BRD10: variants seen among roughly 807,000 people sequenced by gnomAD.
The protein encoded by BRD10 is bromodomain containing 10, also known as uncharacterized bromodomain-containing protein 10.
chr9:5,982,465 G>T, the BRD10 span, among the ~76,000 whole-genome samples: 9 of 152,132 alleles, frequency 5.9e-5, no homozygotes, highest in African/African-American at 2.2e-4. Context: ...GGTCATGAGG[G>T]TTCTGCCCAA....
the BRD10 span, among the ~76,000 whole-genome samples, chr9:6,002,838 G>A: frequency 2.0e-5 from 3 of 151,816 alleles, no homozygotes; most frequent in African/African-American, 7.3e-5. Context: ...CACTACACCT[G>A]GCTAATTTTT....
chr9:5,945,363 T>C, the BRD10 span, among the ~76,000 whole-genome samples: 4 of 152,110 alleles, frequency 2.6e-5, no homozygotes, highest in Non-Finnish European at 5.9e-5. Context: ...AAACACACTC[T>C]TGGAGAACTG....
the BRD10 span, among the ~76,000 whole-genome samples, chr9:5,914,460 G>A: frequency 9.4e-6 from 1 of 105,964 alleles, no homozygotes; most frequent in Admixed American, 1.6e-4. Flanking sequence ...GTCTCACTCT[G>A]TCACCCAGGC....
the BRD10 span, among the ~76,000 whole-genome samples, chr9:5,990,076 G>A: frequency 2.6e-5 from 4 of 152,062 alleles, no homozygotes; most frequent in Non-Finnish European, 5.9e-5. Flanking sequence ...ATGTTAAATT[G>A]GTTTTCCAAA....
At chr9:5,949,153 C>A in the BRD10 span, among the ~76,000 whole-genome samples, 1 of 151,868 alleles carries the variant, frequency 6.6e-6, no homozygotes, top group African/African-American at 2.4e-5. Flanking sequence ...TAAGAGGGAG[C>A]AATTCAAAAT....
the BRD10 span, among the ~76,000 whole-genome samples, chr9:5,980,669 A>C: frequency 1.3e-5 from 2 of 152,058 alleles, no homozygotes; most frequent in Admixed American, 6.5e-5. Context: ...CACACACACA[A>C]TGTATATGTA....
chr9:5,976,585 G>T, the BRD10 span, among the ~76,000 whole-genome samples: 2 of 152,158 alleles, frequency 1.3e-5, no homozygotes, highest in Non-Finnish European at 2.9e-5. Flanking sequence ...ATCTCAGACT[G>T]TAAGTCTAGA....
chr9:5,883,353 T>C, the BRD10 span, among the ~76,000 whole-genome samples: 5 of 152,008 alleles, frequency 3.3e-5, no homozygotes, highest in African/African-American at 4.8e-5. Flanking sequence ...CAGACAAAGA[T>C]GAACATGAAC....
At chr9:5,937,225 C>A in the BRD10 span, among the ~76,000 whole-genome samples, 1 of 141,336 alleles carries the variant, frequency 7.1e-6, no homozygotes, top group African/African-American at 2.6e-5. Flanking sequence ...CAAGACTCTG[C>A]CTCAAAAAAA....
the BRD10 span, among the ~76,000 whole-genome samples, chr9:5,993,747 A>G: frequency 6.6e-6 from 1 of 152,198 alleles, no homozygotes; most frequent in Non-Finnish European, 1.5e-5. Flanking sequence ...GCTGAACCCA[A>G]TCAGAAGTCA....
At chr9:5,932,246 T>C in the BRD10 span, among the ~76,000 whole-genome samples, 223 of 152,200 alleles carry the variant, frequency 1.5e-3, no homozygotes, top group African/African-American at 5.1e-3. Context: ...ACTTTATTCA[T>C]ATACACGGAC....
chr9:6,006,775 T>C, the BRD10 span, among the ~76,000 whole-genome samples: 1 of 152,314 alleles, frequency 6.6e-6, no homozygotes, highest in African/African-American at 2.4e-5. Context: ...AAGACACCTT[T>C]TTACATAAGC....
the BRD10 span, among the ~76,000 whole-genome samples, chr9:5,930,823 A>G: frequency 1.8e-4 from 27 of 152,228 alleles, 1 homozygote; most frequent in Admixed American, 1.6e-3. Context: ...AAATGTTATA[A>G]AAGTGCTTAT....
chr9:5,983,082 G>C, the BRD10 span, among the ~76,000 whole-genome samples: 1 of 152,108 alleles, frequency 6.6e-6, no homozygotes, highest in Non-Finnish European at 1.5e-5. Flanking sequence ...ACTTCCTAGA[G>C]TTAAACTCCA....
chr9:5,955,162 T>C, the BRD10 span, among the ~76,000 whole-genome samples: 2 of 152,072 alleles, frequency 1.3e-5, no homozygotes, highest in Non-Finnish European at 2.9e-5. Context: ...CAATTTGTAA[T>C]TAGCAAAATC....
chr9:5,880,178 C>A, the BRD10 span, among the ~76,000 whole-genome samples: 1 of 151,920 alleles, frequency 6.6e-6, no homozygotes, highest in Non-Finnish European at 1.5e-5. Flanking sequence ...CTCAGCCTCC[C>A]AAAGTGCTGG....
At chr9:5,966,334 G>GT in the BRD10 span, among the ~76,000 whole-genome samples, 1 of 151,416 alleles carries the variant, frequency 6.6e-6, no homozygotes, top group African/African-American at 2.4e-5. Flanking sequence ...CATATGAACA[G>GT]AAGTGTAATA....
At chr9:5,993,370 C>T in the BRD10 span, among the ~76,000 whole-genome samples, 1 of 148,676 alleles carries the variant, frequency 6.7e-6, no homozygotes, top group African/African-American at 2.5e-5. Context: ...ACTTAGTTCA[C>T]CTATCCATTT....
chr9:6,007,741 T>A, the BRD10 span: 1 of 1,596,114 alleles, frequency 6.3e-7, no homozygotes, highest in Non-Finnish European at 8.5e-7. Flanking sequence ...CGGCCGCTCT[T>A]CCTCCCCAGC....
Sources: gnomAD v4.1 joint callset for allele counts (sites outside exome capture counted in the v4.1 genomes callset) on GRCh38, gnomAD v4.1.1 for gene constraint, MANE v1.5 for transcripts, NCBI Gene and HGNC (gene_info 2026-07-23, HGNC 2026-07-21) for gene names.